Variants in OSBPL10 observed in about 807,000 individuals in gnomAD.
The protein encoded by OSBPL10 is oxysterol binding protein like 10, also known as oxysterol-binding protein-related protein 10.
OSBPL10 carries 49 observed loss-of-function variants against 81.7 expected under a neutral mutation model. The observed-to-expected ratio is 0.60, with a 90% CI of 0.48 to 0.76. The LOEUF is 0.76. OSBPL10 is among the 30% of genes least tolerant of loss of function. OSBPL10 has a pLI of 0.00. For missense variants in OSBPL10, 923 were observed against 987.8 expected (o/e 0.93, Z 0.88); for synonymous variants, 419 against 383.6 (o/e 1.09, Z -1.08).
At chr3:31,754,101 TA>T (rs920432143) in intron 4 of OSBPL10, among the ~76,000 whole-genome samples, 11 of 152,134 alleles carry the variant, frequency 7.2e-5, no homozygotes, top group African/African-American at 2.7e-4. Context: ...CTTCGCCCTT[TA>T]ATTCCCAGCC....
At chr3:31,803,853 C>T (rs192240673) in intron 4 of OSBPL10, among the ~76,000 whole-genome samples, 8 of 152,220 alleles carry the variant, frequency 5.3e-5, no homozygotes, top group Admixed American at 4.6e-4. Context: ...GATGTTGTAC[C>T]TTCTCAATGC....
At chr3:31,877,593 G>A (rs181474364) in intron 2 of OSBPL10, among the ~76,000 whole-genome samples, 14 of 151,160 alleles carry the variant, frequency 9.3e-5, no homozygotes, top group South Asian at 4.2e-4. Flanking sequence ...AAAAAACAAC[G>A]ATTCCCTGGA....
intron 7 of OSBPL10, among the ~76,000 whole-genome samples, chr3:31,691,045 G>A (rs984992035): frequency 1.3e-5 from 2 of 152,130 alleles, no homozygotes; most frequent in Non-Finnish European, 2.9e-5. Flanking sequence ...GACAGAGGGT[G>A]AGTGACGGCC....
chr3:32,028,943 C>G (rs937828032), intron 2 of OSBPL10, among the ~76,000 whole-genome samples: 1 of 141,776 alleles, frequency 7.1e-6, no homozygotes, highest in Non-Finnish European at 1.5e-5. Context: ...CACACACACA[C>G]ACACACACAC....
chr3:31,941,742 C>A (rs1697540605), intron 1 of OSBPL10, among the ~76,000 whole-genome samples: 1 of 152,130 alleles, frequency 6.6e-6, no homozygotes, highest in South Asian at 2.1e-4. Context: ...AGAAAATGGA[C>A]TAGTGTTAAA....
intron 1 of OSBPL10, among the ~76,000 whole-genome samples, chr3:31,963,228 C>T (rs1698218651): frequency 6.6e-6 from 1 of 151,968 alleles, no homozygotes. Context: ...TCCTTTCCTC[C>T]CCTCCACCCA....
chr3:31,990,491 T>TGCCA lies in OSBPL10; in HGVS notation n.298+55999_298+56000insTGGC, dbSNP rs778060406. 2.8e-5 allele frequency: 44 copies of TGCCA among 1,549,242 alleles called. No individual in the cohort carries two copies. In the African/African-American group the frequency reaches 5.6e-4, roughly 20 times the overall value. ...TTCCATCACAATTCAGCCCTTGTAA[T>TGCCA]TCATAAGGCAATTCATACTGGAGAG... is the stretch of plus-strand genomic sequence containing the variant. On this transcript the variant is annotated intron_variant and non_coding_transcript_variant, in intron 2 of 3. Transcript: ENST00000479173.
intron 4 of OSBPL10, among the ~76,000 whole-genome samples, chr3:31,803,672 AG>A (rs1699451629): frequency 6.6e-6 from 1 of 152,198 alleles, no homozygotes; most frequent in Admixed American, 6.5e-5. Context: ...TCCCACTAAT[AG>A]CTTTTTTTTC....
chr3:31,704,464 T>C (rs1030938719), intron 6 of OSBPL10, among the ~76,000 whole-genome samples: 3 of 152,214 alleles, frequency 2.0e-5, no homozygotes, highest in African/African-American at 7.2e-5. Flanking sequence ...CATTCTGCTT[T>C]GGGAAGAAAA....
Position 32,070,557 on chromosome 3 carries a change from A to T in OSBPL10, n.185+6839T>A, listed in dbSNP as rs903521659. 2.6e-5 allele frequency among the ~76,000 whole-genome samples: 4 copies of T among 152,262 alleles called. No homozygotes were observed. In the East Asian group the frequency reaches 7.7e-4, roughly 29 times the overall value. ...ATCACATGCCCATTACTATCCCATT[A>T]AAACCTAATCACCCTTACCCTACAA... On this transcript the variant is annotated intron_variant and non_coding_transcript_variant, in intron 1 of 3. Transcript: ENST00000479173.
chr3:31,945,129 G>A (rs539289911), intron 1 of OSBPL10, among the ~76,000 whole-genome samples: 30 of 125,666 alleles, frequency 2.4e-4, no homozygotes, highest in Admixed American at 1.9e-3. Flanking sequence ...CGAGCCTGGC[G>A]ACAGAGCAAG....
chr3:31,904,635 C>G (rs1216939036), intron 1 of OSBPL10, among the ~76,000 whole-genome samples: 2 of 152,150 alleles, frequency 1.3e-5, no homozygotes, highest in Admixed American at 1.3e-4. Context: ...CAGGGTCACT[C>G]AGATCCTCCT....
At chr3:32,009,530 C>A (rs1379798636) in intron 2 of OSBPL10, among the ~76,000 whole-genome samples, 1 of 152,172 alleles carries the variant, frequency 6.6e-6, no homozygotes, top group Non-Finnish European at 1.5e-5. Flanking sequence ...AAGTTAAGTG[C>A]TTGGACTGAG....
intron 6 of OSBPL10, among the ~76,000 whole-genome samples, chr3:31,716,746 T>C (rs1218600448): frequency 6.6e-6 from 1 of 152,234 alleles, no homozygotes; most frequent in East Asian, 1.9e-4. Flanking sequence ...AAGAAAATTA[T>C]ATTCTTCAAC....
intron 2 of OSBPL10, chr3:31,989,441 G>T (rs768149445): frequency 6.2e-7 from 1 of 1,614,154 alleles, no homozygotes; most frequent in South Asian, 1.1e-5. Context: ...GAAGACAAAA[G>T]AAATAGCCAT....
At chr3:31,874,879 A>G (rs1193638431) in intron 3 of OSBPL10, among the ~76,000 whole-genome samples, 2 of 152,158 alleles carry the variant, frequency 1.3e-5, no homozygotes, top group Admixed American at 1.3e-4. Context: ...ACCTAGAGGT[A>G]TAAGAATATA....
At chr3:31,794,104 G>A (rs553599197) in intron 4 of OSBPL10, among the ~76,000 whole-genome samples, 33 of 152,296 alleles carry the variant, frequency 2.2e-4, no homozygotes, top group South Asian at 1.2e-3. Flanking sequence ...CTTCAGCCTC[G>A]TGATGGCACC....
intron 4 of OSBPL10, among the ~76,000 whole-genome samples, chr3:31,779,156 A>G (rs1163631444): frequency 6.6e-6 from 1 of 151,862 alleles, no homozygotes; most frequent in Non-Finnish European, 1.5e-5. Context: ...AACAAAACAC[A>G]ATTTTAAAAA....
chr3:31,965,693 TATATAATATATTATATAAAATATATA>T (rs1419078416), intron 1 of OSBPL10, among the ~76,000 whole-genome samples: 26 of 51,088 alleles, frequency 5.1e-4, no homozygotes, highest in African/African-American at 4.1e-3. Context: ...TTATATAAAA[TATATAATATATTATATAAAATATATA>T]ATATAATATA....
Sources: gnomAD v4.1 joint callset for allele counts (sites outside exome capture counted in the v4.1 genomes callset) on GRCh38, gnomAD v4.1.1 for gene constraint, MANE v1.5 for transcripts, NCBI Gene and HGNC (gene_info 2026-07-23, HGNC 2026-07-21) for gene names.